The following TAF4B variants were observed in gnomAD, a reference collection of about 807,000 sequenced individuals.
The protein encoded by TAF4B is TATA-box binding protein associated factor 4b.
In TAF4B, 38 loss-of-function variants were observed where a neutral mutation model predicts 86.4. That is an observed-to-expected ratio of 0.44 (90% CI 0.34 to 0.58). The LOEUF (loss-of-function observed/expected upper bound fraction) is 0.58. TAF4B is among the 20% of genes least tolerant of loss of function. The pLI is 0.02. For synonymous variants in TAF4B, 388 were observed against 391.2 expected (o/e 0.99, Z 0.10); for missense variants, 988 against 1,027.6 (o/e 0.96, Z 0.53).
chr18:26,323,087 A>G (rs1428006373), intron 11 of TAF4B, among the ~76,000 whole-genome samples: 1 of 152,186 alleles, frequency 6.6e-6, no homozygotes, highest in Non-Finnish European at 1.5e-5. Flanking sequence ...CGTTGTGGTC[A>G]GAGAAGATAC....
At chr18:26,351,672 A>G (rs2057247159) in intron 13 of TAF4B, among the ~76,000 whole-genome samples, 1 of 152,206 alleles carries the variant, frequency 6.6e-6, no homozygotes, top group Non-Finnish European at 1.5e-5. Context: ...TTATAGTTTT[A>G]AACACCAGCA....
At position 26,271,955 on chromosome 18, in the gene TAF4B, G is replaced by C. The variant is rs1402758096; in HGVS notation, c.598-2708G>C. ...AAAAAAAAAAAAAAGACACTTTTAA[G>C]GGTGAGGGGGAATGGAATTTATTAG... On this transcript the variant is annotated intron_variant, in intron 3 of 14. Transcript: ENST00000269142. Among the ~76,000 whole-genome samples, 6 of 149,842 alleles carry C rather than the reference G, an allele frequency of 4.0e-5. No homozygotes were observed. In the East Asian group the frequency reaches 1.2e-3, roughly 29 times the overall value.
At chr18:26,315,527 G>T in intron 10 of TAF4B, 129 bp downstream of exon 10, 1 of 556,978 alleles carries the variant, frequency 1.8e-6, no homozygotes, top group South Asian at 4.9e-5. Flanking sequence ...AAATAATCAA[G>T]ATTTCATGGG....
chr18:26,320,957 AC>A, intron 10 of TAF4B, 112 bp from the exon 11 acceptor site: 1 of 1,298,684 alleles, frequency 7.7e-7, no homozygotes. Flanking sequence ...TAATCTCCAA[AC>A]CTTTATTCAT....
At chr18:26,277,991 C>T (rs1179336039) in intron 5 of TAF4B, among the ~76,000 whole-genome samples, 1 of 152,144 alleles carries the variant, frequency 6.6e-6, no homozygotes, top group African/African-American at 2.4e-5. Flanking sequence ...CAAATGCTAT[C>T]CATTGTTTTC....
Position 26,265,174 on chromosome 18 carries a change from C to T in TAF4B, c.348C>T (p.Thr116=), listed in dbSNP as rs373491950. The part of the protein sequence containing the change: ...FPANLQLPPG[T]VLIKSNSGPL... ...TTTTTTCTTTTTTAAATATAGGAAC[C>T]GTTTTGATTAAAAGTAACAGTGGTC... Residue 116 remains threonine (T), a synonymous_variant, in exon 2 of 15, where the codon ACC becomes ACT. Coordinates refer to ENST00000269142, the MANE Select transcript of TAF4B (RefSeq NM_005640.3). The T allele has an allele frequency of 5.9e-4, 950 of 1,608,744 alleles. 9 individuals carry two copies. The South Asian group carries it at 6.8e-3, about 12-fold the overall frequency.
intron 13 of TAF4B, among the ~76,000 whole-genome samples, chr18:26,350,525 G>C (rs1236785285): frequency 6.6e-6 from 1 of 152,076 alleles, no homozygotes; most frequent in Non-Finnish European, 1.5e-5. Flanking sequence ...TAAAACTGAA[G>C]GTTAGCCAGG....
intron 9 of TAF4B, among the ~76,000 whole-genome samples, chr18:26,309,881 T>G (rs1445940370): frequency 6.6e-6 from 1 of 152,132 alleles, no homozygotes; most frequent in Non-Finnish European, 1.5e-5. Flanking sequence ...CAAGCTGGAG[T>G]GCAGTGGCGC....
intron 13 of TAF4B, 105 bp downstream of exon 13, chr18:26,335,336 C>A: frequency 1.0e-6 from 1 of 987,398 alleles, no homozygotes; most frequent in Non-Finnish European, 1.6e-6. Context: ...ATACCATTTG[C>A]AGAAGCCTTG....
chr18:26,356,297 G>A (rs1020356425), intron 13 of TAF4B, among the ~76,000 whole-genome samples: 3 of 152,136 alleles, frequency 2.0e-5, no homozygotes, highest in Admixed American at 6.5e-5. Flanking sequence ...GTCACCCTGG[G>A]TGTTAGGATT....
rs1268992682 is a variant in TAF4B, at chr18:26,270,016, T to C, written c.597+2393T>C. On this transcript the variant is annotated intron_variant, in intron 3 of 14. Coordinates refer to ENST00000269142, the MANE Select transcript of TAF4B (RefSeq NM_005640.3). The stretch of plus-strand genomic sequence containing the variant: ...GTTAACCACTTTAGACTATCAGTAC[T>C]TCGAGTATATCAGTTTTTCATTGGA... Among the ~76,000 whole-genome samples, 15 of 152,212 alleles carry C rather than the reference T, an allele frequency of 9.9e-5. 1 individual carries two copies. Among genetic ancestry groups the C allele is most frequent in the Non-Finnish European group, 2.9e-5 (2 of 68,032 alleles).
chr18:26,349,704 T>C (rs2057228894), intron 13 of TAF4B, among the ~76,000 whole-genome samples: 2 of 152,094 alleles, frequency 1.3e-5, no homozygotes, highest in South Asian at 4.1e-4. Context: ...GAAAAGTAAA[T>C]TTGAAAATTC....
chr18:26,304,065 A>G (rs1253519475), intron 9 of TAF4B, among the ~76,000 whole-genome samples: 1 of 152,070 alleles, frequency 6.6e-6, no homozygotes, highest in Non-Finnish European at 1.5e-5. Context: ...ACTTAAAAAA[A>G]TCATATACCA....
chr18:26,231,019 T>C (rs1166955320), intron 1 of TAF4B, among the ~76,000 whole-genome samples: 2 of 148,764 alleles, frequency 1.3e-5, no homozygotes, highest in East Asian at 2.0e-4. Flanking sequence ...GACAAACTTG[T>C]GGTGTGTTGT....
Position 26,279,558 on chromosome 18 carries a change from AAAAC to A in TAF4B, c.883-2410_883-2407del, listed in dbSNP as rs755771920. 2.5e-3 allele frequency among the ~76,000 whole-genome samples: 379 copies of A among 151,948 alleles called. 1 individual carries two copies. Among genetic ancestry groups the A allele is most frequent in the Non-Finnish European group, 4.6e-3 (311 of 67,944 alleles). ...AACAATTAGAAGCAAAAAAAAAAAAAAAACAACAACAACAAAGCCAAGTGGCATC... is the reference window on the plus strand; with the variant it reads ...AACAATTAGAAGCAAAAAAAAAAAAAAACAACAACAAAGCCAAGTGGCATC... On this transcript the variant is annotated intron_variant, in intron 5 of 14. Coordinates refer to ENST00000269142, the MANE Select transcript of TAF4B (RefSeq NM_005640.3).
intron 12 of TAF4B, among the ~76,000 whole-genome samples, chr18:26,331,794 G>A (rs1287370578): frequency 6.6e-6 from 1 of 152,080 alleles, no homozygotes; most frequent in Non-Finnish European, 1.5e-5. Flanking sequence ...CTTCTAAGTA[G>A]CCTTCTTTTC....
chr18:26,317,134 AT>A (rs1229854161), intron 10 of TAF4B, among the ~76,000 whole-genome samples: 1 of 149,150 alleles, frequency 6.7e-6, no homozygotes, highest in Non-Finnish European at 1.5e-5. Context: ...GGTTCAAGCG[AT>A]TCTCCTGCCT....
intron 9 of TAF4B, among the ~76,000 whole-genome samples, chr18:26,314,589 C>G (rs1014513507): frequency 6.6e-6 from 1 of 151,976 alleles, no homozygotes; most frequent in Admixed American, 6.6e-5. Context: ...TGGAGCACAC[C>G]AAAAGTCTGA....
At chr18:26,247,630 C>A (rs552284441) in intron 1 of TAF4B, among the ~76,000 whole-genome samples, 6 of 152,156 alleles carry the variant, frequency 3.9e-5, no homozygotes, top group Non-Finnish European at 7.4e-5. Context: ...TCTTGTAATC[C>A]CAGCACTTTG....
Sources: gnomAD v4.1 joint callset for allele counts (sites outside exome capture counted in the v4.1 genomes callset) on GRCh38, gnomAD v4.1.1 for gene constraint, MANE v1.5 for transcripts, NCBI Gene and HGNC (gene_info 2026-07-23, HGNC 2026-07-21) for gene names.